Variants in ATG14 observed in about 807,000 individuals in gnomAD.
The protein encoded by ATG14 is beclin 1-associated autophagy-related key regulator.
A neutral mutation model predicts 60.4 loss-of-function variants in ATG14; 35 were observed. The ratio of observed to expected loss-of-function variants is 0.58; its 90% CI spans 0.44 to 0.77. The LOEUF is 0.77. Ranked by LOEUF, ATG14 falls within the 30% of genes least tolerant of loss-of-function variation. The probability of loss-of-function intolerance (pLI) is 0.00; values close to 1 mark genes in which losing one functional copy is unlikely to be tolerated. For missense variants in ATG14, 647 were observed against 626.3 expected (o/e 1.03, Z -0.35); for synonymous variants, 234 against 228.8 (o/e 1.02, Z -0.21).
At chr14:55,380,928 T>A (rs1218440732) in intron 6 of ATG14, among the ~76,000 whole-genome samples, 1 of 145,794 alleles carries the variant, frequency 6.9e-6, no homozygotes, top group Non-Finnish European at 1.5e-5. Context: ...TGGGCCTAAA[T>A]AGACCCAACA....
In ATG14 at chr14:55,381,743, G is replaced by A. The variant is rs149789789; in HGVS notation, c.877+219C>T. Among the ~76,000 whole-genome samples, 38 of 152,264 alleles carry A rather than the reference G, an allele frequency of 2.5e-4. No individual in the cohort carries two copies. In the East Asian group the frequency reaches 6.7e-3, roughly 27 times the overall value. ...GCAATGTGTGGTTGCCAGGAGCTGA[G>A]GGGAAGGGAGAGTGGGGAAATGTGA... On this transcript the variant is annotated intron_variant, in intron 6 of 9. Transcript: ENST00000247178.
chr14:55,370,473 ATGT>A (rs1240896264), intron 9 of ATG14, among the ~76,000 whole-genome samples: 3 of 152,194 alleles, frequency 2.0e-5, no homozygotes, highest in Admixed American at 6.5e-5. Flanking sequence ...TTCAGAGGCA[ATGT>A]TGTATATTTC....
chr14:55,390,826 T>C, intron 4 of ATG14, 85 bp downstream of exon 4: 1 of 948,572 alleles, frequency 1.1e-6, no homozygotes, highest in South Asian at 1.5e-5. Flanking sequence ...ATCCCCTTCC[T>C]TTCTGTGTCC....
chr14:55,384,710 C>T (rs1320976086), intron 5 of ATG14, among the ~76,000 whole-genome samples: 2 of 152,202 alleles, frequency 1.3e-5, no homozygotes, highest in Non-Finnish European at 2.9e-5. Flanking sequence ...AGTTATGAAA[C>T]TAGCAATAGT....
intron 7 of ATG14, among the ~76,000 whole-genome samples, 187 bp downstream of exon 7, chr14:55,380,386 A>T (rs1429975757): frequency 6.6e-6 from 1 of 152,238 alleles, no homozygotes; most frequent in East Asian, 1.9e-4. Context: ...GACTTCACGT[A>T]CAACTGTAAG....
At chr14:55,389,475 T>G (rs930471191) in intron 4 of ATG14, among the ~76,000 whole-genome samples, 1 of 152,202 alleles carries the variant, frequency 6.6e-6, no homozygotes, top group Non-Finnish European at 1.5e-5. Flanking sequence ...CGTGAGCACT[T>G]TATTAGGACA....
chr14:55,396,682 G>C (rs1885318891), intron 2 of ATG14, among the ~76,000 whole-genome samples: 1 of 152,178 alleles, frequency 6.6e-6, no homozygotes, highest in Non-Finnish European at 1.5e-5. Flanking sequence ...AAGAGGAAAA[G>C]CACTGAGGTA....
intron 5 of ATG14, among the ~76,000 whole-genome samples, chr14:55,384,865 G>T (rs769424859): frequency 1.6e-4 from 24 of 152,222 alleles, no homozygotes; most frequent in Non-Finnish European, 3.5e-4. Context: ...CTGATCAGCA[G>T]CAGCATCAGG....
rs776500399 is a variant in ATG14 at position 55,369,896 on chromosome 14, A to G, written c.1202T>C (p.Leu401Pro). 1 of 1,612,834 alleles carries G rather than the reference A, an allele frequency of 6.2e-7. No homozygotes were observed. Among genetic ancestry groups the G allele is most frequent in the Non-Finnish European group, 8.5e-7 (1 of 1,179,226 alleles). Residue 401 changes from leucine (L) to proline (P), a missense_variant, in exon 10 of 10, where the codon CTT (leucine) becomes CCT (proline). Physicochemically the swap from Leu to Pro is moderately conservative, Grantham distance 98. Transcript: ENST00000247178. ...ATCCACAAATTCCATGGACTCCTCA[A>G]GGTCTGCTCGTACTTCAAAGGGCCC... ...RSGPFEVRAD[L>P]EESMEFVDPG...
rs1170633260 is a variant in ATG14 at position 55,385,899 on chromosome 14, A to G, written c.607T>C (p.Ser203Pro). 1.1e-5 allele frequency: 17 copies of G among 1,613,244 alleles called. No homozygotes were observed. The highest frequency in any genetic ancestry group is 1.4e-5 in the Non-Finnish European group (17 of 1,179,542). ...ACTTCCTCGATTGGAAAAATGACAG[A>G]GGTGAGCTCTAATATATGGGATCGT... ...LRRSHILELT[S>P]VIFPIEEVKT... The change falls in exon 5 of 10, where the codon TCT (serine) becomes CCT (proline). Residue 203 changes from serine (S) to proline (P), a missense_variant. Coordinates refer to ENST00000247178, the MANE Select transcript of ATG14 (RefSeq NM_014924.5).
intron 1 of ATG14, among the ~76,000 whole-genome samples, chr14:55,398,849 T>C (rs1337591497): frequency 1.3e-5 from 2 of 149,632 alleles, no homozygotes; most frequent in East Asian, 1.9e-4. Context: ...AATAAGGGCA[T>C]GGACAAAAAA....
intron 4 of ATG14, among the ~76,000 whole-genome samples, chr14:55,388,086 G>A (rs1885154475): frequency 1.3e-5 from 2 of 152,016 alleles, no homozygotes; most frequent in East Asian, 1.9e-4. Context: ...GCAGTGAGCC[G>A]AGATCGTGCC....
At chr14:55,374,638 G>A (rs1016249918) in intron 9 of ATG14, among the ~76,000 whole-genome samples, 7 of 151,880 alleles carry the variant, frequency 4.6e-5, no homozygotes, top group Non-Finnish European at 1.0e-4. Flanking sequence ...CTGTCCTTTT[G>A]CTTATTTTAT....
intron 9 of ATG14, among the ~76,000 whole-genome samples, chr14:55,376,878 G>T (rs28428911): frequency 0.39 from 60,049 of 152,074 alleles, 12,131 homozygotes; most frequent in Non-Finnish European, 0.42. Flanking sequence ...GAAAGCTAAG[G>T]CTCGTACAGT....
At chr14:55,372,473 GTC>G (rs1215070568) in intron 9 of ATG14, among the ~76,000 whole-genome samples, 2 of 152,120 alleles carry the variant, frequency 1.3e-5, no homozygotes, top group African/African-American at 4.8e-5. Flanking sequence ...GCCAGGCTAA[GTC>G]TCTCATCTTC....
At chr14:55,402,971 A>AG (rs1885435002) in intron 1 of ATG14, among the ~76,000 whole-genome samples, 1 of 100,032 alleles carries the variant, frequency 1.0e-5, no homozygotes, top group Non-Finnish European at 2.1e-5. Context: ...ATATATATAA[A>AG]TAGCTGGGCA....
intron 1 of ATG14, among the ~76,000 whole-genome samples, chr14:55,402,572 AT>A (rs1414359303): frequency 6.6e-6 from 1 of 152,002 alleles, no homozygotes; most frequent in East Asian, 1.9e-4. Flanking sequence ...ACATTAAAAT[AT>A]TTTTATCGGC....
intron 1 of ATG14, among the ~76,000 whole-genome samples, chr14:55,410,166 C>G (rs1349839379): frequency 6.6e-6 from 1 of 152,108 alleles, no homozygotes; most frequent in Non-Finnish European, 1.5e-5. Context: ...TGATGGAAAA[C>G]AAGGAGTTCA....
chr14:55,382,256 T>C, intron 5 of ATG14, 65 bp from the exon 6 acceptor site: 3 of 1,383,048 alleles, frequency 2.2e-6, no homozygotes, highest in Non-Finnish European at 2.0e-6. Context: ...GCAATATAAC[T>C]GCAAGACATG....
Sources: gnomAD v4.1 joint callset for allele counts (sites outside exome capture counted in the v4.1 genomes callset) on GRCh38, gnomAD v4.1.1 for gene constraint, MANE v1.5 for transcripts, NCBI Gene and HGNC (gene_info 2026-07-23, HGNC 2026-07-21) for gene names.